The following SLC46A1 variants were observed in gnomAD, a reference collection of about 807,000 sequenced individuals.
The protein encoded by SLC46A1 is solute carrier family 46 member 1.
Under a neutral mutation model 32.1 loss-of-function variants are expected in SLC46A1, and 17 were observed. The ratio of observed to expected loss-of-function variants is 0.53; its 90% CI spans 0.36 to 0.79. SLC46A1 has a LOEUF of 0.79. SLC46A1 is among the 30% of genes least tolerant of loss of function. SLC46A1 has a pLI of 0.00. For synonymous variants in SLC46A1, 240 were observed against 262.7 expected (o/e 0.91, Z 0.84); for missense variants, 517 against 588.2 (o/e 0.88, Z 1.25).
chr17:28,399,808 C>T, intron 4 of SLC46A1, 95 bp from the exon 5 acceptor site: 1 of 1,294,896 alleles, frequency 7.7e-7, no homozygotes, highest in Non-Finnish European at 1.1e-6. Context: ...GTGGGCTGGT[C>T]CAGGTAGCTC....
intron 1 of SLC46A1, 147 bp downstream of exon 1, chr17:28,405,740 G>T: frequency 9.7e-7 from 1 of 1,033,566 alleles, no homozygotes; most frequent in Non-Finnish European, 1.4e-6. Flanking sequence ...TCTCGGTCAG[G>T]CCCCTTTGCT....
rs80338775 is a variant in SLC46A1 at position 28,402,322 on chromosome 17, C to T, written c.1082-1G>A. The stretch of plus-strand genomic sequence containing the variant: ...AATGACAGGAAAAGCAACCCATATC[C>T]TGTGGAGAAACAAACACTCATCAGG... On this transcript the variant is annotated splice_acceptor_variant, in intron 2 of 4. Coordinates refer to ENST00000612814, the MANE Select transcript of SLC46A1 (RefSeq NM_080669.6). LOFTEE classifies it high-confidence loss of function. The T allele has an allele frequency of 1.2e-5, 20 of 1,612,562 alleles. No individual in the cohort carries two copies. In the Admixed American group the frequency reaches 3.0e-4, roughly 24 times the overall value.
At position 28,395,799 on chromosome 17, in the gene SLC46A1, T is replaced by G. The variant is rs1438205270; in HGVS notation, c.*3857A>C. ...AAGGTGGACATCAGGACTGGTGTCC[T>G]GCCCTGGGCCCAGCCTCGGGCCAGT... On this transcript the variant is annotated 3_prime_UTR_variant, in exon 5 of 5. Transcript: ENST00000612814. 4 of 1,285,428 alleles carry G rather than the reference T, an allele frequency of 3.1e-6. No homozygotes were observed. The highest frequency in any genetic ancestry group is 3.3e-6 in the Non-Finnish European group (3 of 900,836). 79.6% of individuals were successfully genotyped at this position (1,285,428 alleles called of 1,614,324 possible).
chr17:28,399,345 C>A lies in SLC46A1; in HGVS notation c.*311G>T. The A allele has an allele frequency of 2.9e-6, 1 of 342,356 alleles. No individual in the cohort carries two copies. The allele number at this position is 342,356 out of a possible 1,614,324, so 21.2% of individuals were successfully genotyped here. A position where few individuals can be genotyped will look rare whatever the true frequency, so the allele number is the denominator to read the frequency against. On this transcript the variant is annotated 3_prime_UTR_variant, in exon 5 of 5. Transcript: ENST00000612814. The stretch of plus-strand genomic sequence containing the variant: ...CCTGAAGTGTCACCTCTCTCAGGAC[C>A]TCTCCTCTGGCCTGTGGGGTTATAA...
rs368562168 is a variant in SLC46A1 at position 28,406,018 on chromosome 17, T to A, written c.97A>T (p.Asn33Tyr). 2.5e-6 allele frequency: 4 copies of A among 1,610,126 alleles called. No individual in the cohort carries two copies. The highest frequency in any genetic ancestry group is 3.4e-6 in the Non-Finnish European group (4 of 1,178,930). ...GGGCCCTGCAGGACCAAGGCAAAGT[T>A]GGCCAGGAAGACCAGCGGCTCTACC... ...GPVEPLVFLA[N>Y]FALVLQGPLT... Residue 33 changes from asparagine (N) to tyrosine (Y), a missense_variant, in exon 1 of 5, where the codon AAC (asparagine) becomes TAC (tyrosine). By Grantham distance (143) the Asn-to-Tyr change is moderately radical. Transcript: ENST00000612814. This position sits in a 1 kb window ranked among gnomAD's most constrained non-coding sequence, Gnocchi z 4.5.
At chr17:28,406,472 G>C (rs1298063086), upstream of SLC46A1, 1 of 241,364 alleles carries the variant, frequency 4.1e-6, no homozygotes, top group African/African-American at 2.3e-5. This position sits in a 1 kb window ranked among gnomAD's most constrained non-coding sequence, Gnocchi z 4.5. Context: ...GCTGGGCACG[G>C]TATTAAACCC....
At position 28,401,022 on chromosome 17, in the gene SLC46A1, C is replaced by A. The variant is rs190939546; in HGVS notation, c.1166-256G>T. ...TAAAAGTACATGTGATCTGACAGAA[C>A]CCAGCACATAAAAGAAAAAAAAAGT... On this transcript the variant is annotated intron_variant, in intron 3 of 4. Transcript: ENST00000612814. 59 of 441,600 alleles carry A rather than the reference C, an allele frequency of 1.3e-4. No homozygotes were observed. The East Asian group carries it at 2.2e-3, about 16-fold the overall frequency. 27.4% of individuals were successfully genotyped at this position (441,600 alleles called of 1,614,324 possible). A position where few individuals can be genotyped will look rare whatever the true frequency, so the allele number is the denominator to read the frequency against.
intron 4 of SLC46A1, 59 bp downstream of exon 4, chr17:28,400,551 G>T: frequency 6.3e-7 from 1 of 1,595,434 alleles, no homozygotes; most frequent in Non-Finnish European, 8.6e-7. Context: ...GGGAGGAGAA[G>T]AGGAAACTTT....
At position 28,396,043 on chromosome 17, in the gene SLC46A1, TG is replaced by T. The variant is rs782703333; in HGVS notation, c.*3612del. 2 of 1,613,702 alleles carry T rather than the reference TG, an allele frequency of 1.2e-6. No individual in the cohort carries two copies. The highest frequency in any genetic ancestry group is 1.7e-6 in the Non-Finnish European group (2 of 1,179,820). On this transcript the variant is annotated 3_prime_UTR_variant, in exon 5 of 5. Coordinates refer to ENST00000612814, the MANE Select transcript of SLC46A1 (RefSeq NM_080669.6). Reference sequence around the variant, plus strand: ...CGGTATCAAGTGAGCCCCAGGGCCCTGGGACCAGGGGGGTAGGGTACAAATC... The same window carrying T: ...CGGTATCAAGTGAGCCCCAGGGCCCTGGACCAGGGGGGTAGGGTACAAATC...
Position 28,396,167 on chromosome 17 carries a change from G to C in SLC46A1, c.*3489C>G. ...CTCCTGTGCCCACAGGTGGTCCCAC[G>C]AATACCAGGAGGCCACCATTGAGAA... On this transcript the variant is annotated 3_prime_UTR_variant, in exon 5 of 5. Transcript: ENST00000612814. 1 of 1,613,902 alleles carries C rather than the reference G, an allele frequency of 6.2e-7. No homozygotes were observed. The highest frequency in any genetic ancestry group is 8.5e-7 in the Non-Finnish European group (1 of 1,179,872).
rs2068154193 is a variant in SLC46A1, at chr17:28,398,162, C to T, written c.*1494G>A. On this transcript the variant is annotated 3_prime_UTR_variant, in exon 5 of 5. Transcript: ENST00000612814. ...ATAACAATACAGTGTCTGAGTATCTCCAGGGGATGATTTCTGGCTCTTTGT... is the reference window on the plus strand; with the variant it reads ...ATAACAATACAGTGTCTGAGTATCTTCAGGGGATGATTTCTGGCTCTTTGT... The T allele has an allele frequency of 6.6e-6, 1 of 152,348 alleles. No homozygotes were observed. Among genetic ancestry groups the T allele is most frequent in the South Asian group, 2.1e-4 (1 of 4,832 alleles). 9.4% of individuals were successfully genotyped at this position (152,348 alleles called of 1,614,324 possible).
intron 4 of SLC46A1, chr17:28,399,922 C>A: frequency 1.8e-6 from 1 of 559,978 alleles, no homozygotes; most frequent in Non-Finnish European, 3.2e-6. Context: ...GAGACAGGGT[C>A]TTGCTCTGTT....
chr17:28,401,949 C>T (rs372359024), intron 3 of SLC46A1: 59 of 242,654 alleles, frequency 2.4e-4, no homozygotes, highest in East Asian at 6.4e-4. Flanking sequence ...ATCTTACAGA[C>T]GGAAAAGCTG....
In SLC46A1 at chr17:28,398,324, C is replaced by T. The variant is rs146041886; in HGVS notation, c.*1332G>A. 1.8e-3 allele frequency: 273 copies of T among 152,572 alleles called. 4 individuals are homozygous for T. In the South Asian group the frequency reaches 0.024, roughly 14 times the overall value. The allele number at this position is 152,572 out of a possible 1,614,324, so 9.5% of individuals were successfully genotyped here. On this transcript the variant is annotated 3_prime_UTR_variant, in exon 5 of 5. Coordinates refer to ENST00000612814, the MANE Select transcript of SLC46A1 (RefSeq NM_080669.6). ...GCCTTCTGGTTGACCTCTGCCCGATCTTCTGTCTCTCTGAGGGAATCAGAG... is the reference window on the plus strand; with the variant it reads ...GCCTTCTGGTTGACCTCTGCCCGATTTTCTGTCTCTCTGAGGGAATCAGAG...
At chr17:28,402,416 G>T (rs2068208809) in intron 2 of SLC46A1, 95 bp from the exon 3 acceptor site, 1 of 1,012,114 alleles carries the variant, frequency 9.9e-7, no homozygotes, top group Non-Finnish European at 1.5e-6. Flanking sequence ...CCCACGTGGG[G>T]CTTAGGTTAG....
At chr17:28,400,037 G>A (rs782455755) in intron 4 of SLC46A1, 1 of 347,742 alleles carries the variant, frequency 2.9e-6, no homozygotes, top group Non-Finnish European at 5.4e-6. Flanking sequence ...GGGACTACCA[G>A]TGCATACCAC....
chr17:28,404,778 C>G lies in SLC46A1; in HGVS notation c.919G>C (p.Gly307Arg), dbSNP rs1239154517. The G allele has an allele frequency of 1.9e-6, 3 of 1,614,022 alleles. No homozygotes were observed. Among genetic ancestry groups the G allele is most frequent in the Non-Finnish European group, 2.5e-6 (3 of 1,179,894 alleles). The change falls in exon 2 of 5, where the codon GGT becomes CGT. Residue 307 changes from glycine (G) to arginine (R), a missense_variant. Coordinates refer to ENST00000612814, the MANE Select transcript of SLC46A1 (RefSeq NM_080669.6). Reference protein sequence around the residue: ...LCWDSKLIGYGSAAQHLPYLT... With the variant: ...LCWDSKLIGYRSAAQHLPYLT... ...TAGGGGAGATGCTGAGCTGCAGAAC[C>G]ATAGCCGATTAGTTTGGAGTCCCAG...
At position 28,405,280 on chromosome 17, in the gene SLC46A1, G is replaced by C; in HGVS notation, c.417C>G (p.Leu139=). 6.3e-7 allele frequency: 1 copy of C among 1,587,050 alleles called. No individual in the cohort carries two copies. Residue 139 remains leucine (L), a synonymous_variant, in exon 2 of 5, where the codon CTC becomes CTG. Coordinates refer to ENST00000612814, the MANE Select transcript of SLC46A1 (RefSeq NM_080669.6). ...LVSVFVVQLQ[L]HVGYFVLGRI... is the part of the protein sequence containing the mutation. ...GACCCAGCACGAAGTAGCCGACGTG[G>C]AGCTGCAGCTGCACCACAAAAACGG...
In SLC46A1 at chr17:28,401,050, A is replaced by C. The variant is rs1259661846; in HGVS notation, c.1166-284T>G. 6 of 415,876 alleles carry C rather than the reference A, an allele frequency of 1.4e-5. No homozygotes were observed. The East Asian group carries it at 1.5e-4, about 11-fold the overall frequency. The allele number at this position is 415,876 out of a possible 1,614,324, so 25.8% of individuals were successfully genotyped here. A position where few individuals can be genotyped will look rare whatever the true frequency, so the allele number is the denominator to read the frequency against. ...AGCACATAAAAGAAAAAAAAAGTAC[A>C]TGTGATATTGTCTGATGAAAGCTTG... On this transcript the variant is annotated intron_variant, in intron 3 of 4. Transcript: ENST00000612814.
Sources: gnomAD v4.1 joint callset for allele counts on GRCh38, gnomAD v4.1.1 for gene constraint, Gnocchi (gnomAD v3.1) non-coding constraint, MANE v1.5 for transcripts, NCBI Gene and HGNC (gene_info 2026-07-23, HGNC 2026-07-21) for gene names.